The following NME5 variants were observed in gnomAD, a reference collection of about 807,000 sequenced individuals.
The protein encoded by NME5 is NME/NM23 family member 5.
In NME5, 18 loss-of-function variants were observed where a neutral mutation model predicts 21.6. That is an observed-to-expected ratio of 0.83 (90% CI 0.58 to 1.24). The LOEUF (loss-of-function observed/expected upper bound fraction) is 1.24. Among genes scored for constraint, NME5 ranks in the 50% most tolerant of loss-of-function variants. NME5 has a pLI of 0.00. For synonymous variants in NME5, 70 were observed against 80.6 expected (o/e 0.87, Z 0.71); for missense variants, 223 against 255.4 (o/e 0.87, Z 0.86).
At chr5:138,132,364 ATTAT>A (rs965858695) in intron 2 of NME5, among the ~76,000 whole-genome samples, 16 of 152,124 alleles carry the variant, frequency 1.1e-4, no homozygotes, top group African/African-American at 3.9e-4. Flanking sequence ...GAAAAAAAAA[ATTAT>A]TTATTACTGC....
At position 138,129,262 on chromosome 5, in the gene NME5, C is replaced by G; in HGVS notation, c.335+1G>C. On this transcript the variant is annotated splice_donor_variant, in intron 3 of 5. Coordinates refer to ENST00000265191, the MANE Select transcript of NME5 (RefSeq NM_003551.3). LOFTEE classifies it high-confidence loss of function. ...GCCATCCCCCAAACCCTGAAAATTA[C>G]CTGTCTGGATGTGTCTCCTTCGCTA... 6.2e-7 allele frequency: 1 copy of G among 1,605,128 alleles called. No individual in the cohort carries two copies. The highest frequency in any genetic ancestry group is 1.7e-5 in the Admixed American group (1 of 59,946).
At position 138,115,447 on chromosome 5, in the gene NME5, C is replaced by A; in HGVS notation, c.*234G>T. The A allele has an allele frequency of 3.1e-6, 1 of 321,042 alleles. No homozygotes were observed. The highest frequency in any genetic ancestry group is 5.6e-6 in the Non-Finnish European group (1 of 178,354). 19.9% of individuals were successfully genotyped at this position (321,042 alleles called of 1,614,324 possible). On this transcript the variant is annotated 3_prime_UTR_variant, in exon 6 of 6. Coordinates refer to ENST00000265191, the MANE Select transcript of NME5 (RefSeq NM_003551.3). ...AACAAAAACATCTAGCAACATCTTACATGAGTTTTCCATTACCTAGTGTTA... is the reference window on the plus strand; with the variant it reads ...AACAAAAACATCTAGCAACATCTTAAATGAGTTTTCCATTACCTAGTGTTA...
chr5:138,119,018 A>G, intron 4 of NME5, 82 bp from the exon 5 acceptor site: 1 of 789,648 alleles, frequency 1.3e-6, no homozygotes, highest in Non-Finnish European at 2.0e-6. Flanking sequence ...TTTTTAAAGA[A>G]CTTTTCTCTA....
At chr5:138,124,881 A>T (rs1751363931) in intron 4 of NME5, among the ~76,000 whole-genome samples, 1 of 151,868 alleles carries the variant, frequency 6.6e-6, no homozygotes, top group East Asian at 1.9e-4. Flanking sequence ...ACATGGATGA[A>T]CTTTAAGTTT....
intron 2 of NME5, among the ~76,000 whole-genome samples, chr5:138,133,943 C>T (rs1306911579): frequency 6.6e-6 from 1 of 152,108 alleles, no homozygotes; most frequent in African/African-American, 2.4e-5. Context: ...CTTAATGCAA[C>T]TGAAATGTAC....
At chr5:138,122,068 C>T (rs1175402919) in intron 4 of NME5, among the ~76,000 whole-genome samples, 1 of 152,062 alleles carries the variant, frequency 6.6e-6, no homozygotes, top group Non-Finnish European at 1.5e-5. Context: ...TATGGAATAT[C>T]TATTATTTAT....
chr5:138,135,523 C>T lies in NME5; in HGVS notation c.129+3129G>A, dbSNP rs540168802. On this transcript the variant is annotated intron_variant, in intron 2 of 5. Coordinates refer to ENST00000265191, the MANE Select transcript of NME5 (RefSeq NM_003551.3). Reference sequence around the variant, plus strand: ...GTAATTTTCATATTTTTAGTAGAGACGGGGTTTCACCATGTTGGTCAGGCT... The same window carrying T: ...GTAATTTTCATATTTTTAGTAGAGATGGGGTTTCACCATGTTGGTCAGGCT... 2.6e-4 allele frequency among the ~76,000 whole-genome samples: 40 copies of T among 151,646 alleles called. No individual in the cohort carries two copies. The South Asian group carries it at 5.6e-3, about 21-fold the overall frequency.
chr5:138,120,342 T>A (rs893812422), intron 4 of NME5, among the ~76,000 whole-genome samples: 11 of 150,646 alleles, frequency 7.3e-5, no homozygotes, highest in African/African-American at 2.2e-4. Flanking sequence ...CACGCCATTC[T>A]CCTGCCTCAG....
intron 3 of NME5, among the ~76,000 whole-genome samples, 188 bp downstream of exon 3, chr5:138,129,075 T>C (rs566435451): frequency 6.6e-6 from 1 of 152,210 alleles, no homozygotes; most frequent in East Asian, 1.9e-4. Context: ...AGTATTAAAA[T>C]AGACATTTAA....
At chr5:138,134,438 T>G (rs548516979) in intron 2 of NME5, among the ~76,000 whole-genome samples, 1 of 151,878 alleles carries the variant, frequency 6.6e-6, no homozygotes, top group South Asian at 2.1e-4. Context: ...GAAATGGGGC[T>G]TCACCATGTT....
At chr5:138,122,813 G>A (rs2151160776) in intron 4 of NME5, among the ~76,000 whole-genome samples, 1 of 151,790 alleles carries the variant, frequency 6.6e-6, no homozygotes, top group East Asian at 1.9e-4. Flanking sequence ...GAGTAGCTGG[G>A]ATTACAGATG....
chr5:138,128,765 G>A (rs941265149), intron 3 of NME5, 186 bp from the exon 4 acceptor site: 11 of 475,076 alleles, frequency 2.3e-5, no homozygotes, highest in African/African-American at 8.1e-5. Flanking sequence ...ATATATTTAC[G>A]TCTGCAGGAG....
chr5:138,137,959 C>T (rs759701921), intron 2 of NME5, among the ~76,000 whole-genome samples: 9 of 151,364 alleles, frequency 5.9e-5, no homozygotes, highest in African/African-American at 2.2e-4. Flanking sequence ...GAGCCGAGAT[C>T]GTACCACTGC....
At chr5:138,125,806 G>A (rs1751403509) in intron 4 of NME5, among the ~76,000 whole-genome samples, 1 of 152,036 alleles carries the variant, frequency 6.6e-6, no homozygotes, top group Non-Finnish European at 1.5e-5. Context: ...TAGAGACAGG[G>A]TTTTACCATG....
chr5:138,116,334 G>T (rs960314586), intron 5 of NME5: 1 of 152,214 alleles, frequency 6.6e-6, no homozygotes, highest in Non-Finnish European at 1.5e-5. Flanking sequence ...CAGATTCAGT[G>T]CAGCTCTTGC....
intron 4 of NME5, chr5:138,127,686 AAG>A: frequency 1.0e-6 from 1 of 985,090 alleles, no homozygotes; most frequent in Non-Finnish European, 1.2e-6. Context: ...CCACTTCTCA[AAG>A]GTTTACAACT....
chr5:138,137,028 A>T (rs973504615), intron 2 of NME5, among the ~76,000 whole-genome samples: 1 of 151,840 alleles, frequency 6.6e-6, no homozygotes, highest in Non-Finnish European at 1.5e-5. Context: ...TCCTACTCCA[A>T]CAACAAAATA....
In NME5 at chr5:138,115,563, G is replaced by A; in HGVS notation, c.*118C>T. 1 of 555,334 alleles carries A rather than the reference G, an allele frequency of 1.8e-6. No homozygotes were observed. The highest frequency in any genetic ancestry group is 3.0e-6 in the Non-Finnish European group (1 of 331,610). The allele number at this position is 555,334 out of a possible 1,614,324, so 34.4% of individuals were successfully genotyped here. ...TTATTCCTTTAACACTTATTTTTAA[G>A]AAATAAATTTATTTTACTTGTAGTT... On this transcript the variant is annotated 3_prime_UTR_variant, in exon 6 of 6. Transcript: ENST00000265191.
intron 4 of NME5, among the ~76,000 whole-genome samples, chr5:138,128,090 C>T (rs1013104124): frequency 6.6e-6 from 1 of 152,002 alleles, no homozygotes; most frequent in African/African-American, 2.4e-5. Flanking sequence ...GTGGCATGCA[C>T]CTATAGTCTC....
Sources: allele counts gnomAD v4.1 joint callset (sites outside exome capture counted in the v4.1 genomes callset), GRCh38; gene constraint gnomAD v4.1.1; transcripts MANE v1.5; gene names NCBI Gene and HGNC (gene_info 2026-07-23, HGNC 2026-07-21).